The following NMT2 variants were observed in gnomAD, a reference collection of about 807,000 sequenced individuals.
NMT2 encodes the protein glycylpeptide N-tetradecanoyltransferase 2.
NMT2 carries 35 observed loss-of-function variants against 65.4 expected under a neutral mutation model. The ratio of observed to expected loss-of-function variants is 0.54; its 90% CI spans 0.41 to 0.71. NMT2 has a LOEUF of 0.71. Among genes scored for constraint, NMT2 ranks in the 30% least tolerant of loss-of-function variants. The pLI is 0.00. For synonymous variants in NMT2, 226 were observed against 231.8 expected (o/e 0.98, Z 0.23); for missense variants, 489 against 611.3 (o/e 0.80, Z 2.11).
At chr10:15,153,872 C>G (rs1832895324) in intron 1 of NMT2, among the ~76,000 whole-genome samples, 1 of 151,988 alleles carries the variant, frequency 6.6e-6, no homozygotes, top group African/African-American at 2.4e-5. Context: ...CCAGGATGGT[C>G]TCGATCTCCT....
At chr10:15,127,525 C>T (rs374052825) in intron 8 of NMT2, among the ~76,000 whole-genome samples, 20,100 of 111,106 alleles carry the variant, frequency 0.18, 3,190 homozygotes, top group African/African-American at 0.43. Flanking sequence ...CCAGCCTGGG[C>T]GACAGAGTGA....
intron 1 of NMT2, among the ~76,000 whole-genome samples, chr10:15,161,765 TAAGAAAAAAGTC>T (rs1833207613): frequency 6.6e-6 from 1 of 152,078 alleles, no homozygotes; most frequent in Non-Finnish European, 1.5e-5. Flanking sequence ...ATGTAATAGT[TAAGAAAAAAGTC>T]TCTAGTGACA....
chr10:15,108,126 A>G lies in NMT2; in HGVS notation c.*1069T>C. The G allele has an allele frequency of 1.0e-6, 1 of 984,808 alleles. No homozygotes were observed. Among genetic ancestry groups the G allele is most frequent in the Non-Finnish European group, 1.2e-6 (1 of 829,842 alleles). 61.0% of individuals were successfully genotyped at this position (984,808 alleles called of 1,614,324 possible). ...TCTTCATATATCCTTGATGTTGCTG[A>G]GAAGAAACTGAACTTTGCACAACAG... On this transcript the variant is annotated 3_prime_UTR_variant, in exon 12 of 12. Coordinates refer to ENST00000378165, the MANE Select transcript of NMT2 (RefSeq NM_004808.3).
At position 15,106,004 on chromosome 10, in the gene NMT2, T is replaced by C; in HGVS notation, c.*3191A>G. The C allele has an allele frequency of 4.8e-6, 2 of 419,234 alleles. No homozygotes were observed. The highest frequency in any genetic ancestry group is 3.3e-5 in the South Asian group (2 of 60,020). The allele number at this position is 419,234 out of a possible 1,614,324, so 26.0% of individuals were successfully genotyped here. A position where few individuals can be genotyped will look rare whatever the true frequency, so the allele number is the denominator to read the frequency against. Reference sequence around the variant, plus strand: ...AACTGGCAATGCTGCAGTTATTTATTTTACTTTCGAGATAGAGTCTCACTC... The same window carrying C: ...AACTGGCAATGCTGCAGTTATTTATCTTACTTTCGAGATAGAGTCTCACTC... On this transcript the variant is annotated 3_prime_UTR_variant, in exon 12 of 12. Coordinates refer to ENST00000378165, the MANE Select transcript of NMT2 (RefSeq NM_004808.3).
chr10:15,155,359 C>A (rs1463012416), intron 1 of NMT2: 2 of 825,792 alleles, frequency 2.4e-6, no homozygotes, highest in South Asian at 1.5e-5. Context: ...GTGGCGTCTG[C>A]AAAGCCTTTT....
chr10:15,141,521 CTTT>C lies in NMT2; in HGVS notation c.144_146del (p.Lys51del). On this transcript the variant is annotated inframe_deletion, in exon 2 of 12. Coordinates refer to ENST00000378165, the MANE Select transcript of NMT2 (RefSeq NM_004808.3). ...TCTCCTTTTTTCTCTTCTGTTTCTT[CTTT>C]TTCTTTTTGGCTCCCAAATACCCTC... The C allele has an allele frequency of 6.2e-7, 1 of 1,614,070 alleles. No homozygotes were observed. Among genetic ancestry groups the C allele is most frequent in the East Asian group, 2.2e-5 (1 of 44,890 alleles).
At chr10:15,151,059 C>CTT (rs200879621) in intron 1 of NMT2, among the ~76,000 whole-genome samples, 1 of 139,896 alleles carries the variant, frequency 7.1e-6, no homozygotes, top group African/African-American at 2.7e-5. Flanking sequence ...TAGCTTCCTC[C>CTT]TTTTTTTTTT....
chr10:15,112,565 T>C (rs1845598419), intron 10 of NMT2, among the ~76,000 whole-genome samples: 1 of 151,944 alleles, frequency 6.6e-6, no homozygotes, highest in Non-Finnish European at 1.5e-5. Flanking sequence ...CATTTATAAT[T>C]TGTACATTTT....
At chr10:15,120,823 C>G (rs1845904202) in intron 8 of NMT2, among the ~76,000 whole-genome samples, 1 of 152,144 alleles carries the variant, frequency 6.6e-6, no homozygotes, top group African/African-American at 2.4e-5. Flanking sequence ...TGAAAGTGTC[C>G]ATCTTGTCTA....
chr10:15,163,600 G>C (rs547694279), intron 1 of NMT2, among the ~76,000 whole-genome samples: 1 of 152,296 alleles, frequency 6.6e-6, no homozygotes, highest in Admixed American at 6.5e-5. Flanking sequence ...GGGCAGCTTT[G>C]AGTTATCCCT....
chr10:15,109,490 G>A (rs1462973301), intron 11 of NMT2, among the ~76,000 whole-genome samples: 1 of 152,166 alleles, frequency 6.6e-6, no homozygotes, highest in African/African-American at 2.4e-5. Flanking sequence ...AGAATCACTT[G>A]AACCTGGGAG....
chr10:15,112,943 A>C lies in NMT2; in HGVS notation c.1191T>G (p.Thr397=), dbSNP rs764456004. ...FVVESPNGKL[T]DFLSFYTLPS... ...GGAGCGTATAGAAGCTCAGGAAATCAGTCAGTTTACCGTTGGGGCTCTAGG... is the reference window on the plus strand; with the variant it reads ...GGAGCGTATAGAAGCTCAGGAAATCCGTCAGTTTACCGTTGGGGCTCTAGG... Residue 397 remains threonine, a synonymous_variant, in exon 10 of 12, where the codon ACT becomes ACG. Coordinates refer to ENST00000378165, the MANE Select transcript of NMT2 (RefSeq NM_004808.3). 12 of 1,614,136 alleles carry C rather than the reference A, an allele frequency of 7.4e-6. No homozygotes were observed. Among genetic ancestry groups the C allele is most frequent in the Non-Finnish European group, 1.0e-5 (12 of 1,179,998 alleles).
chr10:15,164,064 T>C (rs1338937064), intron 1 of NMT2, among the ~76,000 whole-genome samples: 1 of 150,762 alleles, frequency 6.6e-6, no homozygotes, highest in Non-Finnish European at 1.5e-5. Flanking sequence ...CCTACTGTAG[T>C]CCCAGCTACT....
At chr10:15,113,159 T>G (rs1845623658) in intron 9 of NMT2, among the ~76,000 whole-genome samples, 196 bp from the exon 10 acceptor site, 1 of 152,126 alleles carries the variant, frequency 6.6e-6, no homozygotes, top group African/African-American at 2.4e-5. Context: ...GACTTCAGCC[T>G]AAGTGCCCAT....
rs202199569 is a variant in NMT2, at chr10:15,168,473, G to A, written c.110+30C>T. 307 of 1,534,006 alleles carry A rather than the reference G, an allele frequency of 2.0e-4. No homozygotes were observed. The Admixed American group carries it at 5.3e-3, about 26-fold the overall frequency. On this transcript the variant is annotated intron_variant, in intron 1 of 11. Coordinates refer to ENST00000378165, the MANE Select transcript of NMT2 (RefSeq NM_004808.3). The stretch of plus-strand genomic sequence containing the variant: ...TGGCGCGCGCGGTCCCCGCCCTGTC[G>A]CGCCCGGTGCGCCAGCGCGCCGCCC...
At chr10:15,123,166 ATG>A (rs1290433176) in intron 8 of NMT2, among the ~76,000 whole-genome samples, 3 of 152,234 alleles carry the variant, frequency 2.0e-5, no homozygotes, top group African/African-American at 4.8e-5. Flanking sequence ...GCACACCAGG[ATG>A]TACCAGCTAT....
In NMT2 at chr10:15,106,068, C is replaced by G. The variant is rs1436745699; in HGVS notation, c.*3127G>C. 1 of 357,986 alleles carries G rather than the reference C, an allele frequency of 2.8e-6. No homozygotes were observed. The highest frequency in any genetic ancestry group is 2.3e-5 in the African/African-American group (1 of 44,312). The allele number at this position is 357,986 out of a possible 1,614,324, so 22.2% of individuals were successfully genotyped here. A position where few individuals can be genotyped will look rare whatever the true frequency, so the allele number is the denominator to read the frequency against. ...GGAGTGCAGTGGTGTGATCCCGGCT[C>G]ACTGCAACCCCGCCTCCTGGGTTCA... is the stretch of plus-strand genomic sequence containing the variant. On this transcript the variant is annotated 3_prime_UTR_variant, in exon 12 of 12. Transcript: ENST00000378165.
Position 15,108,930 on chromosome 10 carries a change from G to A in NMT2, c.*265C>T, listed in dbSNP as rs1845410307. The stretch of plus-strand genomic sequence containing the variant: ...GAAAAAATACCTCTTCAAGAGACAG[G>A]CAAAAATTTGAAAATTACAAGAATG... On this transcript the variant is annotated 3_prime_UTR_variant, in exon 12 of 12. Transcript: ENST00000378165. 4 of 1,221,634 alleles carry A rather than the reference G, an allele frequency of 3.3e-6. No individual in the cohort carries two copies. The highest frequency in any genetic ancestry group is 3.3e-4 in the Middle Eastern group (1 of 3,024). 75.7% of individuals were successfully genotyped at this position (1,221,634 alleles called of 1,614,324 possible).
chr10:15,140,256 A>G (rs1417166677), intron 2 of NMT2, among the ~76,000 whole-genome samples: 2 of 151,642 alleles, frequency 1.3e-5, no homozygotes, highest in African/African-American at 4.8e-5. Flanking sequence ...CCAAGTAGCT[A>G]GGACTACAGG....
Sources: allele counts gnomAD v4.1 joint callset (sites outside exome capture counted in the v4.1 genomes callset), GRCh38; gene constraint gnomAD v4.1.1; transcripts MANE v1.5; gene names NCBI Gene and HGNC (gene_info 2026-07-23, HGNC 2026-07-21).